RANBP2: variants seen among roughly 807,000 people sequenced by gnomAD.
The protein encoded by RANBP2 is E3 SUMO-protein ligase RanBP2.
Under a neutral mutation model 303.6 loss-of-function variants are expected in RANBP2, and 57 were observed. That is an observed-to-expected ratio of 0.19 (90% CI 0.15 to 0.23). The LOEUF is 0.23. Ranked by LOEUF, RANBP2 falls within the 10% of genes least tolerant of loss-of-function variation. RANBP2 has a pLI of 1.00. For synonymous variants in RANBP2, 1,167 were observed against 1,301.5 expected (o/e 0.90, Z 2.23); for missense variants, 3,138 against 3,780.8 (o/e 0.83, Z 4.46).
chr2:109,688,795 A>T, the RANBP2 span, among the ~76,000 whole-genome samples: 8 of 150,852 alleles, frequency 5.3e-5, no homozygotes, highest in African/African-American at 1.7e-4. Context: ...AAAAAAAAAA[A>T]AAAAAAAAAA....
At chr2:109,605,487 T>C in the RANBP2 span, 2 of 152,074 alleles carry the variant, frequency 1.3e-5, no homozygotes, top group East Asian at 3.9e-4. Flanking sequence ...TAATAATAAA[T>C]AAATAAATAA....
the RANBP2 span, among the ~76,000 whole-genome samples, chr2:109,476,753 A>G: frequency 6.6e-6 from 1 of 152,256 alleles, no homozygotes; most frequent in African/African-American, 2.4e-5. Context: ...GCTGTTCCAT[A>G]GACAGCAGCC....
the RANBP2 span, among the ~76,000 whole-genome samples, chr2:109,068,360 C>A: frequency 6.6e-6 from 1 of 152,168 alleles, no homozygotes; most frequent in African/African-American, 2.4e-5. Context: ...CGAAGAACCC[C>A]CACCCCAGAT....
chr2:109,040,882 CG>C, the RANBP2 span, among the ~76,000 whole-genome samples: 2 of 151,962 alleles, frequency 1.3e-5, no homozygotes, highest in African/African-American at 4.8e-5. Flanking sequence ...AGTGAAACCC[CG>C]TATCTACTAA....
At chr2:109,444,981 A>C in the RANBP2 span, among the ~76,000 whole-genome samples, 1 of 152,228 alleles carries the variant, frequency 6.6e-6, no homozygotes, top group Admixed American at 6.5e-5. Context: ...GATGGCTATG[A>C]ATCAGAAACA....
chr2:109,252,428 T>C, the RANBP2 span, among the ~76,000 whole-genome samples: 2 of 152,188 alleles, frequency 1.3e-5, no homozygotes, highest in African/African-American at 4.8e-5. Flanking sequence ...TCAGGCTTGT[T>C]TTATAAGCTT....
the RANBP2 span, among the ~76,000 whole-genome samples, chr2:109,414,214 A>C: frequency 6.6e-6 from 1 of 152,158 alleles, no homozygotes; most frequent in Non-Finnish European, 1.5e-5. Flanking sequence ...TGGCTTCAGG[A>C]CAACGATCAC....
chr2:108,815,635 T>C, the RANBP2 span, among the ~76,000 whole-genome samples: 1 of 151,810 alleles, frequency 6.6e-6, no homozygotes, highest in African/African-American at 2.4e-5. Flanking sequence ...CCAGCTAATT[T>C]TATTTTTAGT....
chr2:109,593,569 C>T, the RANBP2 span, among the ~76,000 whole-genome samples: 1 of 152,026 alleles, frequency 6.6e-6, no homozygotes, highest in African/African-American at 2.4e-5. Context: ...CCATGCCTGG[C>T]TAATTTTTGT....
chr2:108,995,278 G>T, the RANBP2 span, among the ~76,000 whole-genome samples: 9 of 152,040 alleles, frequency 5.9e-5, no homozygotes, highest in Non-Finnish European at 1.2e-4. Context: ...CTCCCACCTT[G>T]GCTTCCCAAG....
the RANBP2 span, among the ~76,000 whole-genome samples, chr2:109,162,635 A>G: frequency 1.3e-5 from 2 of 152,194 alleles, no homozygotes; most frequent in East Asian, 3.9e-4. Flanking sequence ...ATTGTTGGAC[A>G]TTTGGGTTGG....
chr2:109,621,612 T>C, the RANBP2 span, among the ~76,000 whole-genome samples: 2 of 152,140 alleles, frequency 1.3e-5, no homozygotes, highest in African/African-American at 2.4e-5. Context: ...TCTTTGAATT[T>C]GCATTTAAGA....
In RANBP2 at chr2:108,763,989, A is replaced by G; in HGVS notation, c.3450A>G (p.Ala1150=). 1 of 1,613,958 alleles carries G rather than the reference A, an allele frequency of 6.2e-7. No individual in the cohort carries two copies. Among genetic ancestry groups the G allele is most frequent in the East Asian group, 2.2e-5 (1 of 44,880 alleles). Residue 1150 remains alanine, a synonymous_variant, in exon 20 of 29, where the codon GCA becomes GCG. Transcript: ENST00000283195. ...SVFGTPTLET[A]NKNHETDGGS... is the part of the protein sequence containing the mutation. ...TTGGAACACCCACTTTAGAGACAGC[A>G]AACAAGAATCATGAGACAGATGGAG...
chr2:109,517,996 G>A, the RANBP2 span, among the ~76,000 whole-genome samples: 1 of 152,234 alleles, frequency 6.6e-6, no homozygotes, highest in Non-Finnish European at 1.5e-5. Flanking sequence ...ATGAAAACAA[G>A]TGGGCTGAGC....
chr2:109,092,129 G>GT, the RANBP2 span, among the ~76,000 whole-genome samples: 1 of 152,194 alleles, frequency 6.6e-6, no homozygotes, highest in East Asian at 1.9e-4. Flanking sequence ...GTGTGTCTGT[G>GT]TATGTGGAGG....
At chr2:109,648,314 G>T in the RANBP2 span, among the ~76,000 whole-genome samples, 1 of 152,168 alleles carries the variant, frequency 6.6e-6, no homozygotes, top group Admixed American at 6.5e-5. Context: ...TGTGCAGTGG[G>T]AGTCCCTGGA....
the RANBP2 span, among the ~76,000 whole-genome samples, chr2:109,433,498 C>T: frequency 6.6e-6 from 1 of 152,222 alleles, no homozygotes; most frequent in Non-Finnish European, 1.5e-5. Flanking sequence ...AGAAGCCCCT[C>T]GTGGGCACGG....
the RANBP2 span, chr2:109,615,938 C>T: frequency 5.0e-6 from 8 of 1,602,450 alleles, no homozygotes; most frequent in East Asian, 2.2e-5. Flanking sequence ...AGATCGTCCA[C>T]ACCACACCCT....
the RANBP2 span, among the ~76,000 whole-genome samples, chr2:109,105,683 T>C: frequency 3.3e-5 from 5 of 151,828 alleles, no homozygotes; most frequent in African/African-American, 1.2e-4. Flanking sequence ...GCCTCCTGAG[T>C]AGCTGGGATT....
Sources: gnomAD v4.1 joint callset for allele counts (sites outside exome capture counted in the v4.1 genomes callset) on GRCh38, gnomAD v4.1.1 for gene constraint, MANE v1.5 for transcripts, NCBI Gene and HGNC (gene_info 2026-07-23, HGNC 2026-07-21) for gene names.